The following RAMP1 variants were observed in gnomAD, a reference collection of about 807,000 sequenced individuals.
The protein encoded by RAMP1 is receptor activity-modifying protein 1.
A neutral mutation model predicts 8.2 loss-of-function variants in RAMP1; 7 were observed. The ratio of observed to expected loss-of-function variants is 0.85; its 90% CI spans 0.49 to 1.60. The LOEUF is 1.60. RAMP1 is among the 40% of genes most tolerant of loss of function. RAMP1 has a pLI of 0.00. For synonymous variants in RAMP1, 92 were observed against 84.7 expected (o/e 1.09, Z -0.47); for missense variants, 192 against 202.4 (o/e 0.95, Z 0.31).
intron 2 of RAMP1, among the ~76,000 whole-genome samples, chr2:237,888,756 C>T (rs1044514721): frequency 6.6e-6 from 1 of 152,068 alleles, no homozygotes; most frequent in Non-Finnish European, 1.5e-5. Flanking sequence ...TTTTAATCTT[C>T]TTTTACAAAT....
In RAMP1 at chr2:237,865,785, C is replaced by T. The variant is rs1046613215; in HGVS notation, c.52+6058C>T. Among the ~76,000 whole-genome samples, 2 of 151,986 alleles carry T rather than the reference C, an allele frequency of 1.3e-5. No homozygotes were observed. Among genetic ancestry groups the T allele is most frequent in the Admixed American group, 6.5e-5 (1 of 15,278 alleles). On this transcript the variant is annotated intron_variant, in intron 1 of 2. Transcript: ENST00000254661. The surrounding 1 kb of genome is among the most constrained non-coding windows in gnomAD (Gnocchi z 4.2). Reference sequence around the variant, plus strand: ...GCTCCTTGTGAGAGGCCAGAGAGGACGGCCAGGGAGGACAGAGAAGGAAAC... The same window carrying T: ...GCTCCTTGTGAGAGGCCAGAGAGGATGGCCAGGGAGGACAGAGAAGGAAAC...
At chr2:237,864,295 C>CA (rs1349507039) in intron 1 of RAMP1, among the ~76,000 whole-genome samples, 1 of 150,552 alleles carries the variant, frequency 6.6e-6, no homozygotes, top group Non-Finnish European at 1.5e-5. Flanking sequence ...GGAGAAAAGT[C>CA]AGTGATTTGC....
intron 2 of RAMP1, among the ~76,000 whole-genome samples, chr2:237,899,524 A>T (rs138020746): frequency 0.012 from 1,859 of 152,330 alleles, 16 homozygotes; most frequent in Non-Finnish European, 0.02. Flanking sequence ...TGGTGTATTA[A>T]AGTGTGATTT....
rs553019655 is a variant in RAMP1, at chr2:237,911,627, T to C, written c.291T>C (p.His97=). 1.2e-6 allele frequency: 2 copies of C among 1,614,116 alleles called. No homozygotes were observed. Among genetic ancestry groups the C allele is most frequent in the East Asian group, 2.2e-5 (1 of 44,882 alleles). ...TGGACAGGTTCTTCCTGGCAGTGCA[T>C]GGCCGCTACTTCAGGAGCTGCCCCA... ...AEVDRFFLAV[H]GRYFRSCPIS... is the part of the protein sequence containing the mutation. Residue 97 remains histidine, a synonymous_variant, in exon 3 of 3, where the codon CAT becomes CAC. Coordinates refer to ENST00000254661, the MANE Select transcript of RAMP1 (RefSeq NM_005855.4).
intron 1 of RAMP1, among the ~76,000 whole-genome samples, chr2:237,866,663 T>C (rs1038159230): frequency 1.3e-5 from 2 of 152,170 alleles, no homozygotes; most frequent in African/African-American, 4.8e-5. Flanking sequence ...GCAGAGGCCT[T>C]ACTGATAACA....
At chr2:237,871,706 G>A (rs1288140735) in intron 1 of RAMP1, among the ~76,000 whole-genome samples, 1 of 152,170 alleles carries the variant, frequency 6.6e-6, no homozygotes, top group Non-Finnish European at 1.5e-5. Flanking sequence ...CGCTCCTCCA[G>A]GATTTGCTTA....
chr2:237,875,555 C>A (rs1462530998), intron 1 of RAMP1, among the ~76,000 whole-genome samples: 1 of 152,186 alleles, frequency 6.6e-6, no homozygotes, highest in African/African-American at 2.4e-5. Context: ...CTGTCCTGAG[C>A]TCCTCCGTGG....
intron 2 of RAMP1, among the ~76,000 whole-genome samples, chr2:237,908,976 G>T (rs905897590): frequency 3.9e-5 from 6 of 152,142 alleles, no homozygotes; most frequent in Non-Finnish European, 8.8e-5. Flanking sequence ...TGCAGCCCTG[G>T]TGGCACAACT....
intron 2 of RAMP1, among the ~76,000 whole-genome samples, chr2:237,907,758 G>A (rs1037924435): frequency 6.6e-6 from 1 of 152,246 alleles, no homozygotes; most frequent in South Asian, 2.1e-4. Context: ...TAACATAACT[G>A]TCTGATAGTT....
At chr2:237,866,816 A>G (rs950377626) in intron 1 of RAMP1, among the ~76,000 whole-genome samples, 2 of 150,820 alleles carry the variant, frequency 1.3e-5, no homozygotes, top group African/African-American at 2.4e-5. Flanking sequence ...ACAACCTCCA[A>G]CTCCCGGGTT....
chr2:237,882,487 G>A (rs73092521), intron 2 of RAMP1, among the ~76,000 whole-genome samples: 13,736 of 152,200 alleles, frequency 0.09, 659 homozygotes, highest in Middle Eastern at 0.17. Flanking sequence ...GCCCAGGCTC[G>A]CACAGCTGGT....
chr2:237,864,333 GGCCT>G (rs2062163441), intron 1 of RAMP1, among the ~76,000 whole-genome samples: 2 of 140,436 alleles, frequency 1.4e-5, no homozygotes, highest in African/African-American at 6.6e-5. Flanking sequence ...TGCTTCGTAA[GGCCT>G]GCCGCTGTCA....
intron 1 of RAMP1, among the ~76,000 whole-genome samples, chr2:237,867,534 T>C (rs2062201232): frequency 6.6e-6 from 1 of 152,102 alleles, no homozygotes; most frequent in Non-Finnish European, 1.5e-5. Context: ...TTCCCGTGTG[T>C]AAAGTAAGCT....
intron 2 of RAMP1, among the ~76,000 whole-genome samples, chr2:237,902,291 C>T (rs994614422): frequency 4.0e-4 from 25 of 62,558 alleles, no homozygotes; most frequent in East Asian, 2.6e-3. Flanking sequence ...AAGGAGGGAT[C>T]GGGAGGAGGA....
At chr2:237,876,978 T>C (rs73090699) in intron 1 of RAMP1, among the ~76,000 whole-genome samples, 6 of 152,134 alleles carry the variant, frequency 3.9e-5, no homozygotes, top group African/African-American at 1.4e-4. Context: ...TGGGATGGAA[T>C]GTGCCCTGGC....
At chr2:237,893,848 G>A (rs995109228) in intron 2 of RAMP1, among the ~76,000 whole-genome samples, 7 of 151,928 alleles carry the variant, frequency 4.6e-5, no homozygotes, top group Non-Finnish European at 7.4e-5. Context: ...TGAGGAAAGA[G>A]AATTGCTCTC....
chr2:237,899,489 A>G (rs1465376248), intron 2 of RAMP1, among the ~76,000 whole-genome samples: 1 of 152,252 alleles, frequency 6.6e-6, no homozygotes, highest in Non-Finnish European at 1.5e-5. Context: ...AATGCGTATT[A>G]AAATGACGGT....
chr2:237,877,470 G>GGGGTCTA lies in RAMP1; in HGVS notation c.191+109_191+110insGGTCTAG. The GGGGTCTA allele has an allele frequency of 7.0e-7, 1 of 1,428,528 alleles. No individual in the cohort carries two copies. Among genetic ancestry groups the GGGGTCTA allele is most frequent in the Non-Finnish European group, 9.3e-7 (1 of 1,070,354 alleles). 88.5% of individuals were successfully genotyped at this position (1,428,528 alleles called of 1,614,324 possible). A position where few individuals can be genotyped will look rare whatever the true frequency, so the allele number is the denominator to read the frequency against. On this transcript the variant is annotated intron_variant, in intron 2 of 2. Coordinates refer to ENST00000254661, the MANE Select transcript of RAMP1 (RefSeq NM_005855.4). The surrounding 1 kb of genome is among the most constrained non-coding windows in gnomAD (Gnocchi z 4.4). ...CTGTGGAAGATCCTTTCTAGACCCC[G>GGGGTCTA]GAAGGGTTCTTCCCCCAGTGGGGGG...
intron 2 of RAMP1, among the ~76,000 whole-genome samples, chr2:237,905,338 A>C (rs2062641275): frequency 6.6e-6 from 1 of 152,212 alleles, no homozygotes. Context: ...ACTTCTGTAT[A>C]AATAAACAGG....
Sources: allele counts gnomAD v4.1 joint callset (sites outside exome capture counted in the v4.1 genomes callset), GRCh38; gene constraint gnomAD v4.1.1; non-coding constraint Gnocchi (gnomAD v3.1); transcripts MANE v1.5; gene names NCBI Gene and HGNC (gene_info 2026-07-23, HGNC 2026-07-21).